The following CNTNAP5 variants were observed in gnomAD, a reference collection of about 807,000 sequenced individuals.
CNTNAP5 encodes the protein contactin associated protein family member 5.
CNTNAP5 carries 72 observed loss-of-function variants against 150.2 expected under a neutral mutation model. The ratio of observed to expected loss-of-function variants is 0.48; its 90% CI spans 0.40 to 0.58. The LOEUF is 0.58. Ranked by LOEUF, CNTNAP5 falls within the 20% of genes least tolerant of loss-of-function variation. The probability of loss-of-function intolerance (pLI) is 0.00; values close to 1 mark genes in which losing one functional copy is unlikely to be tolerated. For missense variants in CNTNAP5, 1,636 were observed against 1,626.2 expected (o/e 1.01, Z -0.10); for synonymous variants, 672 against 619.8 (o/e 1.08, Z -1.25).
intron 6 of CNTNAP5, among the ~76,000 whole-genome samples, chr2:124,451,044 A>T (rs1692957913): frequency 2.7e-5 from 2 of 75,150 alleles, no homozygotes; most frequent in African/African-American, 1.0e-4. Flanking sequence ...AAAAAAAAAA[A>T]AAAAAAAATA....
At position 124,779,774 on chromosome 2, in the gene CNTNAP5, T is replaced by C. The variant is rs72847357; in HGVS notation, c.2752+6757T>C. Among the ~76,000 whole-genome samples the C allele has an allele frequency of 7.9e-3, 1,206 of 152,214 alleles. 15 individuals carry two copies. Among genetic ancestry groups the C allele is most frequent in the Non-Finnish European group, 0.012 (808 of 68,016 alleles). On this transcript the variant is annotated intron_variant, in intron 17 of 23. Transcript: ENST00000682447. ...CCCTACCCTGATCTACCTGACAGAC[T>C]CCTCTTCATGGATAATGCAGACTTT...
At chr2:124,111,045 A>T (rs1020101943) in intron 1 of CNTNAP5, among the ~76,000 whole-genome samples, 3 of 152,208 alleles carry the variant, frequency 2.0e-5, no homozygotes. Context: ...CGATTTGTCC[A>T]GGGTGGTATT....
At position 124,458,293 on chromosome 2, in the gene CNTNAP5, T is replaced by TTA. The variant is rs56360238; in HGVS notation, c.918+11379_918+11380dup. On this transcript the variant is annotated intron_variant, in intron 6 of 23. Transcript: ENST00000682447. The stretch of plus-strand genomic sequence containing the variant: ...AATATAATATATATAATGTAATATT[T>TTA]TATATATATATATATATATATATAA... 3.7e-3 allele frequency among the ~76,000 whole-genome samples: 516 copies of TTA among 139,960 alleles called. 5 individuals are homozygous for TTA. Among genetic ancestry groups the TTA allele is most frequent in the African/African-American group, 0.013 (490 of 37,722 alleles). 91.8% of individuals were successfully genotyped at this position (139,960 alleles called of 152,430 possible).
intron 17 of CNTNAP5, 53 bp downstream of exon 17, chr2:124,773,070 T>G: frequency 7.1e-7 from 1 of 1,413,934 alleles, no homozygotes; most frequent in East Asian, 2.3e-5. Context: ...GATCACTGTG[T>G]GACCATGCCC....
At chr2:124,100,696 T>C (rs1212344860) in intron 1 of CNTNAP5, among the ~76,000 whole-genome samples, 1 of 140,994 alleles carries the variant, frequency 7.1e-6, no homozygotes, top group Non-Finnish European at 1.6e-5. Flanking sequence ...CAAAGCCTCG[T>C]CTCTACAAAA....
intron 1 of CNTNAP5, among the ~76,000 whole-genome samples, chr2:124,170,511 C>T (rs141409632): frequency 2.8e-3 from 424 of 152,274 alleles, no homozygotes; most frequent in Middle Eastern, 0.01. Flanking sequence ...AGCCAGTGTC[C>T]TCTGCCATTC....
intron 1 of CNTNAP5, among the ~76,000 whole-genome samples, chr2:124,178,411 T>C (rs540929477): frequency 6.6e-6 from 1 of 152,328 alleles, no homozygotes; most frequent in South Asian, 2.1e-4. Flanking sequence ...GTTCTTAATA[T>C]TATCATTCAG....
chr2:124,499,982 C>T (rs891343756), intron 7 of CNTNAP5, among the ~76,000 whole-genome samples: 4 of 151,908 alleles, frequency 2.6e-5, no homozygotes, highest in African/African-American at 9.7e-5. Flanking sequence ...GGCCTGAGTA[C>T]CAGAAGTTGT....
At chr2:124,758,601 G>A (rs143826831) in intron 14 of CNTNAP5, among the ~76,000 whole-genome samples, 15 of 152,172 alleles carry the variant, frequency 9.9e-5, no homozygotes, top group East Asian at 3.9e-4. Context: ...GCCAATTGTC[G>A]TAGGTTGAGG....
chr2:124,442,120 G>A (rs1016039548), intron 5 of CNTNAP5, among the ~76,000 whole-genome samples: 1 of 152,142 alleles, frequency 6.6e-6, no homozygotes, highest in Admixed American at 6.5e-5. Flanking sequence ...TGGATGCAAT[G>A]AGAGTGGCAA....
intron 19 of CNTNAP5, among the ~76,000 whole-genome samples, chr2:124,854,213 C>G (rs568517876): frequency 6.6e-6 from 1 of 152,164 alleles, no homozygotes; most frequent in African/African-American, 2.4e-5. Flanking sequence ...CTCCCTTTCC[C>G]TCTGCTTATA....
At chr2:124,450,548 TCTG>T (rs1006811055) in intron 6 of CNTNAP5, among the ~76,000 whole-genome samples, 3 of 110,088 alleles carry the variant, frequency 2.7e-5, no homozygotes, top group African/African-American at 1.1e-4. Context: ...GCTCACAGAA[TCTG>T]CTGTCAAAAA....
intron 21 of CNTNAP5, among the ~76,000 whole-genome samples, chr2:124,890,761 T>G (rs944361896): frequency 6.6e-6 from 1 of 152,018 alleles, no homozygotes; most frequent in African/African-American, 2.4e-5. Context: ...GCAGGAAGGT[T>G]GAAGGAGTAA....
At position 124,918,383 on chromosome 2, in the gene CNTNAP5, TA is replaced by T. The variant is rs1035802414; in HGVS notation, c.*4102del. Among the ~76,000 whole-genome samples, 2 of 152,020 alleles carry T rather than the reference TA, an allele frequency of 1.3e-5. No homozygotes were observed. The highest frequency in any genetic ancestry group is 2.4e-5 in the African/African-American group (1 of 41,420). ...GTCTACCCTTCCATCAGTAATTGAC[TA>T]AAAAAATGTTGTCCATTTATGTGAG... On this transcript the variant is annotated 3_prime_UTR_variant, in exon 24 of 24. Coordinates refer to ENST00000682447, the MANE Select transcript of CNTNAP5 (RefSeq NM_001367498.1).
rs1199854161 is a variant in CNTNAP5 at position 124,865,409 on chromosome 2, C to T, written c.3321C>T (p.Asn1107=). 33 of 1,552,014 alleles carry T rather than the reference C, an allele frequency of 2.1e-5. No individual in the cohort carries two copies. The highest frequency in any genetic ancestry group is 2.8e-5 in the Non-Finnish European group (32 of 1,147,070). The change falls in exon 20 of 24, where the codon AAC becomes AAT. Residue 1107 remains asparagine (N), a synonymous_variant. Coordinates refer to ENST00000682447, the MANE Select transcript of CNTNAP5 (RefSeq NM_001367498.1). ...GAAGGATGCACCACTTGAAGATTAA[C>T]CGAGAGGGAAGAGAGCTTACCATTC... ...ANRRMHHLKI[N]REGRELTIQM...
At chr2:124,123,616 C>A (rs146837635) in intron 1 of CNTNAP5, among the ~76,000 whole-genome samples, 1,678 of 152,232 alleles carry the variant, frequency 0.011, 39 homozygotes, top group African/African-American at 0.038. Flanking sequence ...TCAAGTGGGT[C>A]CCTGACCCCC....
chr2:124,246,128 A>G (rs1687016770), intron 3 of CNTNAP5, among the ~76,000 whole-genome samples: 2 of 152,108 alleles, frequency 1.3e-5, no homozygotes, highest in African/African-American at 4.8e-5. Context: ...TGCTCTTTAA[A>G]ATTGATTTAC....
chr2:124,181,196 G>C (rs997970586), intron 1 of CNTNAP5, among the ~76,000 whole-genome samples: 5 of 151,814 alleles, frequency 3.3e-5, no homozygotes, highest in African/African-American at 1.2e-4. Flanking sequence ...TAAAATGTTA[G>C]ATATTTATTT....
chr2:124,509,473 G>A (rs1258571463), intron 8 of CNTNAP5, among the ~76,000 whole-genome samples: 1 of 152,120 alleles, frequency 6.6e-6, no homozygotes, highest in African/African-American at 2.4e-5. Context: ...AGCCATTGTA[G>A]ATCTTCTGCC....
Sources: gnomAD v4.1 joint callset for allele counts (sites outside exome capture counted in the v4.1 genomes callset) on GRCh38, gnomAD v4.1.1 for gene constraint, MANE v1.5 for transcripts, NCBI Gene and HGNC (gene_info 2026-07-23, HGNC 2026-07-21) for gene names.